COBLL1: variants seen among roughly 807,000 people sequenced by gnomAD.
COBLL1 encodes the protein cordon-bleu protein-like 1.
A neutral mutation model predicts 94.8 loss-of-function variants in COBLL1; 50 were observed. That is an observed-to-expected ratio of 0.53 (90% confidence interval 0.42 to 0.67). The LOEUF is 0.67. Ranked by LOEUF, COBLL1 falls within the 30% of genes least tolerant of loss-of-function variation. The pLI, the probability that COBLL1 is intolerant of heterozygous loss-of-function variation, is 0.00. For missense variants in COBLL1, 1,362 were observed against 1,348.7 expected, an observed-to-expected ratio of 1.01 and a Z score of -0.15; for synonymous variants, 448 against 473.8, an observed-to-expected ratio of 0.95 and a Z score of 0.71.
rs1558914995 is a variant in COBLL1, at chr2:164,685,306, C to T, written c.*640G>A. The T allele has an allele frequency of 6.6e-6, 1 of 151,862 alleles. No homozygotes were observed. Among genetic ancestry groups the T allele is most frequent in the Non-Finnish European group, 1.5e-5 (1 of 67,936 alleles). The allele number at this position is 151,862 out of a possible 1,614,324, so 9.4% of individuals were successfully genotyped here. On this transcript the variant is annotated 3_prime_UTR_variant, in exon 14 of 14. Coordinates refer to ENST00000652658, the MANE Select transcript of COBLL1 (RefSeq NM_001365672.2). ...ATTTAAGTTCTAAAGATTAAAAAAA[C>T]AAGAGTTCCATGTTAATAAAATATT...
intron 2 of COBLL1, chr2:164,837,451 A>G (rs1464290193): frequency 2.1e-6 from 1 of 466,562 alleles, no homozygotes; most frequent in South Asian, 1.6e-5. Context: ...TCTCTTCTCC[A>G]ATGCAGCATT....
chr2:164,721,654 G>A (rs370285748), intron 7 of COBLL1, among the ~76,000 whole-genome samples: 37 of 152,146 alleles, frequency 2.4e-4, no homozygotes, highest in African/African-American at 7.7e-4. Context: ...AAGAAAATAC[G>A]TGTGGTTAGA....
intron 1 of COBLL1, among the ~76,000 whole-genome samples, chr2:164,673,142 TTTC>T: frequency 6.6e-6 from 1 of 152,346 alleles, no homozygotes; most frequent in South Asian, 2.1e-4. Context: ...TTATGAGAAT[TTTC>T]TTATTACTGA....
intron 2 of COBLL1, among the ~76,000 whole-genome samples, chr2:164,819,204 T>G (rs1430092291): frequency 6.6e-6 from 1 of 152,146 alleles, no homozygotes; most frequent in Non-Finnish European, 1.5e-5. Flanking sequence ...ATTAAAATGC[T>G]AAAAATGTTT....
At chr2:164,749,279 A>T (rs1687014761) in intron 2 of COBLL1, among the ~76,000 whole-genome samples, 1 of 152,200 alleles carries the variant, frequency 6.6e-6, no homozygotes, top group South Asian at 2.1e-4. Flanking sequence ...AGATTCATTC[A>T]GAAAAGTGCT....
At chr2:164,720,870 G>C (rs963010240) in intron 7 of COBLL1, among the ~76,000 whole-genome samples, 30 of 152,264 alleles carry the variant, frequency 2.0e-4, no homozygotes, top group African/African-American at 7.0e-4. Context: ...TTGTCAGTAT[G>C]TGACTCTATA....
chr2:164,838,781 C>A (rs890657446), intron 2 of COBLL1, among the ~76,000 whole-genome samples: 2 of 152,168 alleles, frequency 1.3e-5, no homozygotes, highest in Non-Finnish European at 2.9e-5. Context: ...CTAAACTAGG[C>A]TTCATTGTCT....
intron 4 of COBLL1, among the ~76,000 whole-genome samples, chr2:164,729,000 C>T (rs1283674059): frequency 6.6e-6 from 1 of 151,594 alleles, no homozygotes; most frequent in African/African-American, 2.4e-5. Flanking sequence ...TTGTATAATC[C>T]CACGCTATAG....
At chr2:164,812,066 A>T (rs1005010742) in intron 2 of COBLL1, among the ~76,000 whole-genome samples, 45 of 151,462 alleles carry the variant, frequency 3.0e-4, no homozygotes, top group Non-Finnish European at 5.8e-4. Flanking sequence ...AAGGCTCTGA[A>T]AAAAAAAATA....
At chr2:164,717,986 G>T (rs1685259164) in intron 7 of COBLL1, among the ~76,000 whole-genome samples, 1 of 152,120 alleles carries the variant, frequency 6.6e-6, no homozygotes, top group Admixed American at 6.5e-5. Flanking sequence ...TTCTATAAAA[G>T]CTTAAGAAAT....
chr2:164,702,033 T>A (rs1002628195), intron 9 of COBLL1, among the ~76,000 whole-genome samples: 29 of 152,176 alleles, frequency 1.9e-4, no homozygotes, highest in African/African-American at 6.7e-4. Context: ...TCTCTAAGTA[T>A]ACAGACAGAA....
intron 5 of COBLL1, among the ~76,000 whole-genome samples, chr2:164,726,416 C>T (rs1369344043): frequency 6.6e-6 from 1 of 151,980 alleles, no homozygotes; most frequent in Non-Finnish European, 1.5e-5. Context: ...TGAAAAAAGA[C>T]TTCCACAATT....
chr2:164,794,606 C>T (rs1683347582), intron 2 of COBLL1, among the ~76,000 whole-genome samples: 1 of 152,090 alleles, frequency 6.6e-6, no homozygotes, highest in Non-Finnish European at 1.5e-5. Flanking sequence ...GATGACCTAG[C>T]AAATTTTATT....
At position 164,699,398 on chromosome 2, in the gene COBLL1, A is replaced by C; in HGVS notation, c.1555+7T>G. 1 of 1,564,012 alleles carries C rather than the reference A, an allele frequency of 6.4e-7. No individual in the cohort carries two copies. The highest frequency in any genetic ancestry group is 1.1e-5 in the South Asian group (1 of 90,068). On this transcript the variant is annotated splice_region_variant and intron_variant, in intron 11 of 13. Transcript: ENST00000652658. ...GAAAGTGTTGGCTATTAATTTATAT[A>C]ACTCACCATTCTCTTGGTTTGGGCC...
intron 2 of COBLL1, among the ~76,000 whole-genome samples, chr2:164,829,286 C>T (rs988812483): frequency 8.5e-5 from 13 of 152,220 alleles, no homozygotes; most frequent in South Asian, 8.3e-4. Context: ...TGAATACAAG[C>T]GATCACAGCC....
chr2:164,834,437 A>T (rs1044819512), intron 2 of COBLL1, among the ~76,000 whole-genome samples: 4 of 152,212 alleles, frequency 2.6e-5, no homozygotes, highest in Non-Finnish European at 5.9e-5. Flanking sequence ...AAAAGGAATC[A>T]ATCACCAATC....
At chr2:164,687,406 A>C (rs1286569826) in intron 13 of COBLL1, 1 of 890,894 alleles carries the variant, frequency 1.1e-6, no homozygotes, top group African/African-American at 1.6e-5. Context: ...GAACTTGGTG[A>C]AGCCCCATTT....
intron 2 of COBLL1, among the ~76,000 whole-genome samples, chr2:164,809,575 A>T (rs1182717501): frequency 1.3e-5 from 2 of 152,038 alleles, no homozygotes; most frequent in Non-Finnish European, 2.9e-5. Context: ...GGACAATCCA[A>T]AGACAACAAT....
intron 2 of COBLL1, among the ~76,000 whole-genome samples, chr2:164,815,116 C>G (rs1684657145): frequency 6.6e-6 from 1 of 151,956 alleles, no homozygotes; most frequent in Non-Finnish European, 1.5e-5. Context: ...GCATACTTTC[C>G]AGGCCAGACA....
Sources: gnomAD v4.1 joint callset for allele counts (sites outside exome capture counted in the v4.1 genomes callset) on GRCh38, gnomAD v4.1.1 for gene constraint, MANE v1.5 for transcripts, NCBI Gene and HGNC (gene_info 2026-07-23, HGNC 2026-07-21) for gene names.